Variants in DENND6B observed in about 807,000 individuals in gnomAD.
DENND6B encodes the protein protein DENND6B.
Under a neutral mutation model 85.1 loss-of-function variants are expected in DENND6B, and 73 were observed. That is an observed-to-expected ratio of 0.86 (90% confidence interval 0.71 to 1.04). The LOEUF (loss-of-function observed/expected upper bound fraction) is 1.04, where lower values mean the gene tolerates loss of function less well. DENND6B is among the 50% of genes least tolerant of loss of function. The pLI, the probability that DENND6B is intolerant of heterozygous loss-of-function variation, is 0.00. For missense variants in DENND6B, 715 were observed against 785.8 expected (o/e 0.91, Z 1.08); for synonymous variants, 357 against 329.3 (o/e 1.08, Z -0.91).
intron 10 of DENND6B, 32 bp from the exon 11 acceptor site, chr22:50,314,732 G>A (rs752346968): frequency 6.4e-7 from 1 of 1,570,586 alleles, no homozygotes; most frequent in Admixed American, 1.9e-5. Context: ...AGCAGGTGAG[G>A]CAGGGGCAGC....
At position 50,313,111 on chromosome 22, in the gene DENND6B, G is replaced by C; in HGVS notation, c.1348-3C>G. 6.4e-7 allele frequency: 1 copy of C among 1,552,738 alleles called. No individual in the cohort carries two copies. The highest frequency in any genetic ancestry group is 1.2e-5 in the South Asian group (1 of 84,198). The stretch of plus-strand genomic sequence containing the variant: ...AAGGGCTGGATCTGGGGGGGAGTCT[G>C]AGAGGGGATGGGTGAGCCAGCACGT... On this transcript the variant is annotated splice_polypyrimidine_tract_variant and splice_region_variant and intron_variant, in intron 16 of 19. Coordinates refer to ENST00000413817, the MANE Select transcript of DENND6B (RefSeq NM_001001794.4).
chr22:50,321,564 A>G (rs1038265423), intron 1 of DENND6B, among the ~76,000 whole-genome samples: 1 of 151,932 alleles, frequency 6.6e-6, no homozygotes, highest in African/African-American at 2.4e-5. Flanking sequence ...GGGCTTCACC[A>G]TATTGGCCAG....
chr22:50,314,559 G>C (rs369793345), intron 11 of DENND6B, 46 bp downstream of exon 11: 5 of 1,554,506 alleles, frequency 3.2e-6, no homozygotes, highest in Non-Finnish European at 4.4e-6. Context: ...AAGGGCGAGA[G>C]GCAGGGCGGA....
chr22:50,315,612 A>G (rs2041783865), intron 9 of DENND6B, 102 bp downstream of exon 9: 4 of 1,338,694 alleles, frequency 3.0e-6, no homozygotes, highest in Non-Finnish European at 4.1e-6. Flanking sequence ...GCAGACACAC[A>G]CGCACACACA....
At chr22:50,326,456 C>T (rs1406162411) in intron 1 of DENND6B, among the ~76,000 whole-genome samples, 2 of 152,140 alleles carry the variant, frequency 1.3e-5, no homozygotes, top group Non-Finnish European at 2.9e-5. Flanking sequence ...GGATGCGGAG[C>T]GGAGGGTAAG....
Position 50,316,266 on chromosome 22 carries a change from T to C in DENND6B, c.560-13A>G, listed in dbSNP as rs780619000. On this transcript the variant is annotated splice_polypyrimidine_tract_variant and intron_variant, in intron 6 of 19. Coordinates refer to ENST00000413817, the MANE Select transcript of DENND6B (RefSeq NM_001001794.4). ...ATCTCACTGCACACTGCGGATGCAG[T>C]AGCCCGCATCAGGACCCTCCCCAAG... is the stretch of plus-strand genomic sequence containing the variant. The C allele has an allele frequency of 1.9e-6, 3 of 1,590,406 alleles. No homozygotes were observed. Among genetic ancestry groups the C allele is most frequent in the East Asian group, 2.3e-5 (1 of 43,426 alleles).
At chr22:50,322,025 A>G (rs1215765830) in intron 1 of DENND6B, among the ~76,000 whole-genome samples, 2 of 151,364 alleles carry the variant, frequency 1.3e-5, no homozygotes, top group Admixed American at 6.6e-5. Context: ...CCTGGTAAAC[A>G]TTGATAGATA....
Position 50,311,835 on chromosome 22 carries a change from C to T in DENND6B, c.*304G>A. Reference sequence around the variant, plus strand: ...CACCGGGAGGGGCAGACGGTAGACGCACCCACATCAGCAAGGGCTCCCAGC... The same window carrying T: ...CACCGGGAGGGGCAGACGGTAGACGTACCCACATCAGCAAGGGCTCCCAGC... On this transcript the variant is annotated 3_prime_UTR_variant, in exon 20 of 20. Coordinates refer to ENST00000413817, the MANE Select transcript of DENND6B (RefSeq NM_001001794.4). 2.4e-6 allele frequency: 1 copy of T among 423,002 alleles called. No homozygotes were observed. The highest frequency in any genetic ancestry group is 4.3e-6 in the Non-Finnish European group (1 of 231,990). The allele number at this position is 423,002 out of a possible 1,614,324, so 26.2% of individuals were successfully genotyped here.
Position 50,317,780 on chromosome 22 carries a change from C to T in DENND6B, c.372+128G>A, listed in dbSNP as rs371598360. 1.5e-5 allele frequency: 14 copies of T among 931,718 alleles called. No homozygotes were observed. In the Admixed American group the frequency reaches 2.5e-4, roughly 17 times the overall value. 57.7% of individuals were successfully genotyped at this position (931,718 alleles called of 1,614,324 possible). A position where few individuals can be genotyped will look rare whatever the true frequency, so the allele number is the denominator to read the frequency against. On this transcript the variant is annotated intron_variant, in intron 4 of 19. Coordinates refer to ENST00000413817, the MANE Select transcript of DENND6B (RefSeq NM_001001794.4). ...GCCTGGGACTGCAGGGCCAGTGGGG[C>T]CTGGCCAGCTCCTCTCCTGCCACAC...
chr22:50,316,754 C>T (rs1277401785), intron 5 of DENND6B: 1 of 1,373,390 alleles, frequency 7.3e-7, no homozygotes, highest in South Asian at 1.2e-5. Flanking sequence ...TCTAGAACGA[C>T]CTCCCCAGGG....
intron 1 of DENND6B, among the ~76,000 whole-genome samples, chr22:50,325,166 C>T (rs1428162550): frequency 2.6e-5 from 4 of 152,094 alleles, no homozygotes; most frequent in Non-Finnish European, 5.9e-5. Flanking sequence ...CGCTCATGGA[C>T]CTGGGTCCCC....
In DENND6B at chr22:50,313,100, G is replaced by C. The variant is rs67248662; in HGVS notation, c.1356C>G (p.Pro452=). The change falls in exon 17 of 20, where the codon CCC becomes CCG. Residue 452 remains proline, a synonymous_variant. Coordinates refer to ENST00000413817, the MANE Select transcript of DENND6B (RefSeq NM_001001794.4). ...QKSITPWKTP[P]QIQPFSQDDF... ...CATCCTGGCTGAAGGGCTGGATCTG[G>C]GGGGGAGTCTGAGAGGGGATGGGTG... is the stretch of plus-strand genomic sequence containing the variant. 0.31 allele frequency: 474,118 copies of C among 1,553,782 alleles called. 73,903 individuals carry two copies. The highest frequency in any genetic ancestry group is 0.42 in the South Asian group (35,116 of 84,218).
chr22:50,313,840 T>A lies in DENND6B; in HGVS notation c.1177A>T (p.Lys393Ter). The A allele has an allele frequency of 6.2e-7, 1 of 1,611,910 alleles. No homozygotes were observed. Among genetic ancestry groups the A allele is most frequent in the Admixed American group, 1.7e-5 (1 of 59,964 alleles). The change falls in exon 14 of 20, where the codon AAG (lysine) becomes TAG (stop). Residue 393 changes from lysine (K) to a stop codon, truncating the protein, a stop_gained. Coordinates refer to ENST00000413817, the MANE Select transcript of DENND6B (RefSeq NM_001001794.4). LOFTEE classifies it high-confidence loss of function. ...TAYTAHLHRD[K>*]ALLKRLLKGV... ...TTGAGCAGCCGTTTGAGCAGCGCCT[T>A]GTCGCGGTGGAGGTGGGCCGTGTAA... is the stretch of plus-strand genomic sequence containing the variant.
At chr22:50,315,951 C>A in intron 8 of DENND6B, 74 bp downstream of exon 8, 1 of 1,605,444 alleles carries the variant, frequency 6.2e-7, no homozygotes, top group Admixed American at 1.7e-5. Flanking sequence ...AGGTGTGGGA[C>A]CACCCGGCCC....
chr22:50,313,908 C>T, intron 13 of DENND6B, 30 bp from the exon 14 acceptor site: 1 of 1,582,538 alleles, frequency 6.3e-7, no homozygotes, highest in Non-Finnish European at 8.6e-7. Context: ...GGCGCCCCAC[C>T]CTTCAAGGGC....
In DENND6B at chr22:50,313,502, G is replaced by A. The variant is rs2068118954; in HGVS notation, c.1294-3C>T. The A allele has an allele frequency of 1.3e-6, 2 of 1,547,306 alleles. No homozygotes were observed. The highest frequency in any genetic ancestry group is 1.7e-6 in the Non-Finnish European group (2 of 1,145,330). ...ATGAGGCTGGCCATGTAGTGCTCCT[G>A]GGTGGGGAAGGGAGGGGAGTGAGCC... On this transcript the variant is annotated splice_polypyrimidine_tract_variant and splice_region_variant and intron_variant, in intron 15 of 19. Coordinates refer to ENST00000413817, the MANE Select transcript of DENND6B (RefSeq NM_001001794.4).
rs1160901505 is a variant in DENND6B at position 50,314,012 on chromosome 22, A to T, written c.1139-134T>A. ...GCCCTTGGCTGCACCTGAAAATCTCACCCACCCACCCCCCAGACACCGAGA... is the reference window on the plus strand; with the variant it reads ...GCCCTTGGCTGCACCTGAAAATCTCTCCCACCCACCCCCCAGACACCGAGA... On this transcript the variant is annotated intron_variant, in intron 13 of 19. Coordinates refer to ENST00000413817, the MANE Select transcript of DENND6B (RefSeq NM_001001794.4). 3.1e-6 allele frequency: 4 copies of T among 1,294,186 alleles called. No individual in the cohort carries two copies. The East Asian group carries it at 1.0e-4, about 33-fold the overall frequency. The allele number at this position is 1,294,186 out of a possible 1,614,324, so 80.2% of individuals were successfully genotyped here.
At chr22:50,326,669 G>T (rs1350011455) in intron 1 of DENND6B, 143 bp downstream of exon 1, 1 of 688,150 alleles carries the variant, frequency 1.5e-6, no homozygotes, top group East Asian at 3.7e-5. Flanking sequence ...CGCTTCTGGA[G>T]CCCGGAGAAG....
Position 50,313,114 on chromosome 22 carries a change from A to C in DENND6B, c.1348-6T>G. ...GGCTGGATCTGGGGGGGAGTCTGAG[A>C]GGGGATGGGTGAGCCAGCACGTGGG... On this transcript the variant is annotated splice_polypyrimidine_tract_variant and splice_region_variant and intron_variant, in intron 16 of 19. Transcript: ENST00000413817. The C allele has an allele frequency of 1.3e-6, 2 of 1,551,448 alleles. No individual in the cohort carries two copies. Among genetic ancestry groups the C allele is most frequent in the Non-Finnish European group, 1.7e-6 (2 of 1,147,334 alleles).
Sources: allele counts gnomAD v4.1 joint callset (sites outside exome capture counted in the v4.1 genomes callset), GRCh38; gene constraint gnomAD v4.1.1; transcripts MANE v1.5; gene names NCBI Gene and HGNC (gene_info 2026-07-23, HGNC 2026-07-21).